Variants in MLH3 observed in about 807,000 individuals in gnomAD.
The protein encoded by MLH3 is DNA mismatch repair protein Mlh3.
In MLH3, 82 loss-of-function variants were observed where a neutral mutation model predicts 122.2. The ratio of observed to expected loss-of-function variants is 0.67; its 90% CI spans 0.56 to 0.81. The LOEUF (loss-of-function observed/expected upper bound fraction) is 0.81. Ranked by LOEUF, MLH3 falls within the 30% of genes least tolerant of loss-of-function variation. The pLI is 0.00. For missense variants in MLH3, 1,539 were observed against 1,714.5 expected (o/e 0.90, Z 1.81); for synonymous variants, 524 against 599.5 (o/e 0.87, Z 1.84).
chr14:75,018,109 C>T (rs1890016632), intron 12 of MLH3, among the ~76,000 whole-genome samples: 1 of 151,902 alleles, frequency 6.6e-6, no homozygotes, highest in Non-Finnish European at 1.5e-5. Flanking sequence ...CGCACCATTG[C>T]ACTCCAGCCT....
In MLH3 at chr14:75,049,188, A is replaced by G; in HGVS notation, c.468T>C (p.Pro156=). ...TAGGGTCCATGCATTTCCTCCTTAC[A>G]GGAAGCTGGTAAAATAGGTTATACA... ...VTVYNLFYQL[P]VRRKCMDPRL... is the part of the protein sequence containing the mutation. Residue 156 remains proline, a synonymous_variant, in exon 2 of 13, where the codon CCT becomes CCC. Transcript: ENST00000355774. The G allele has an allele frequency of 4.3e-6, 7 of 1,614,190 alleles. No homozygotes were observed. Among genetic ancestry groups the G allele is most frequent in the Non-Finnish European group, 5.1e-6 (6 of 1,180,016 alleles).
At chr14:75,035,227 T>TA (rs879886477) in intron 6 of MLH3, among the ~76,000 whole-genome samples, 6 of 148,040 alleles carry the variant, frequency 4.1e-5, no homozygotes, top group East Asian at 2.0e-4. Flanking sequence ...AATGAAAACT[T>TA]AAAAAAAAAA....
chr14:75,036,720 G>A (rs1343516293), intron 6 of MLH3: 5 of 455,918 alleles, frequency 1.1e-5, no homozygotes, highest in Non-Finnish European at 2.2e-5. Flanking sequence ...TGCAACACGG[G>A]TCCTGCAACA....
In MLH3 at chr14:75,014,630, A is replaced by C; in HGVS notation, c.*2452T>G. ...CTTGAAGGTAGAGACAGCCATAGGA[A>C]CCTTCACTTCTCAATGAAGTGTTGA... On this transcript the variant is annotated 3_prime_UTR_variant, in exon 13 of 13. Transcript: ENST00000355774. The C allele has an allele frequency of 4.9e-6, 1 of 204,980 alleles. No individual in the cohort carries two copies. The highest frequency in any genetic ancestry group is 7.4e-5 in the East Asian group (1 of 13,498). The allele number at this position is 204,980 out of a possible 1,614,324, so 12.7% of individuals were successfully genotyped here. A position where few individuals can be genotyped will look rare whatever the true frequency, so the allele number is the denominator to read the frequency against.
chr14:75,046,709 C>A lies in MLH3; in HGVS notation c.2947G>T (p.Asp983Tyr), dbSNP rs1477096181. The change falls in exon 2 of 13, where the codon GAT (aspartate) becomes TAT (tyrosine). Residue 983 changes from aspartate to tyrosine, a missense_variant. Physicochemically the swap from Asp to Tyr is radical, Grantham distance 160. Transcript: ENST00000355774. ...PYNNSKVTGK[D>Y]SDVLIRASEQ... Reference sequence around the variant, plus strand: ...GAGGCTCTGATAAGAACATCTGAATCTTTACCGGTAACTTTAGAATTATTA... The same window carrying A: ...GAGGCTCTGATAAGAACATCTGAATATTTACCGGTAACTTTAGAATTATTA... 1.9e-6 allele frequency: 3 copies of A among 1,614,172 alleles called. No individual in the cohort carries two copies. The highest frequency in any genetic ancestry group is 3.3e-5 in the Admixed American group (2 of 60,024).
chr14:75,040,771 T>C (rs575614937), intron 4 of MLH3, among the ~76,000 whole-genome samples: 3 of 152,310 alleles, frequency 2.0e-5, no homozygotes, highest in African/African-American at 4.8e-5. Flanking sequence ...CTTTATCTAA[T>C]GATAACAATT....
At chr14:75,037,309 T>C (rs1485469659) in intron 6 of MLH3, among the ~76,000 whole-genome samples, 1 of 152,228 alleles carries the variant, frequency 6.6e-6, no homozygotes, top group Non-Finnish European at 1.5e-5. Flanking sequence ...TGAAATCAAA[T>C]CTCCCAATAC....
intron 4 of MLH3, among the ~76,000 whole-genome samples, 156 bp from the exon 5 acceptor site, chr14:75,040,171 C>T (rs965703223): frequency 4.6e-5 from 7 of 151,604 alleles, no homozygotes; most frequent in African/African-American, 1.5e-4. Context: ...AAGAATCGGC[C>T]GGGCGTGGTG....
At position 75,024,453 on chromosome 14, in the gene MLH3, G is replaced by A. The variant is rs965012488; in HGVS notation, c.3988-1435C>T. 1.3e-5 allele frequency among the ~76,000 whole-genome samples: 2 copies of A among 151,886 alleles called. 1 individual carries two copies. The highest frequency in any genetic ancestry group is 4.8e-5 in the African/African-American group (2 of 41,338). On this transcript the variant is annotated intron_variant, in intron 9 of 12. Coordinates refer to ENST00000355774, the MANE Select transcript of MLH3 (RefSeq NM_001040108.2). ...CGACCTCAGATGATCCGCCTGCCTCGGCCTCCCAAAGTGCTGGGATTACAG... is the reference window on the plus strand; with the variant it reads ...CGACCTCAGATGATCCGCCTGCCTCAGCCTCCCAAAGTGCTGGGATTACAG...
rs759892263 is a variant in MLH3 at position 75,049,033 on chromosome 14, C to T, written c.623G>A (p.Cys208Tyr). Residue 208 changes from cysteine to tyrosine, a missense_variant, in exon 2 of 13, where the codon TGT becomes TAT. By Grantham distance (194) the Cys-to-Tyr change is radical (BLOSUM62 -2). Coordinates refer to ENST00000355774, the MANE Select transcript of MLH3 (RefSeq NM_001040108.2). ...TCCATAAATTTGACAAAATCGGGAA[C>T]ATACGTCTTTGGTTTTAGGGAGCTG... ...VLQLPKTKDV[C>Y]SRFCQIYGLG... 2.3e-5 allele frequency: 37 copies of T among 1,614,004 alleles called. No homozygotes were observed. Among genetic ancestry groups the T allele is most frequent in the Non-Finnish European group, 3.1e-5 (37 of 1,180,046 alleles).
rs766865174 is a variant in MLH3, at chr14:75,030,626, C to T, written c.3904G>A (p.Gly1302Arg). 3 of 1,613,672 alleles carry T rather than the reference C, an allele frequency of 1.9e-6. No individual in the cohort carries two copies. Among genetic ancestry groups the T allele is most frequent in the Non-Finnish European group, 2.5e-6 (3 of 1,179,650 alleles). ...PDTSDSLVLV[G>R]KVPLCFVERE... ...TCCACAAAACATAGTGGTACTTTTCCCACAAGGACCAGAGAATCACTAGTG... is the reference window on the plus strand; with the variant it reads ...TCCACAAAACATAGTGGTACTTTTCTCACAAGGACCAGAGAATCACTAGTG... The change falls in exon 9 of 13, where the codon GGA (glycine) becomes AGA (arginine). Residue 1302 changes from glycine (G) to arginine (R), a missense_variant. Gly to Arg is a moderately radical substitution (Grantham distance 125, BLOSUM62 -2). Coordinates refer to ENST00000355774, the MANE Select transcript of MLH3 (RefSeq NM_001040108.2).
intron 4 of MLH3, among the ~76,000 whole-genome samples, chr14:75,040,550 A>G (rs1400222149): frequency 6.6e-6 from 1 of 152,068 alleles, no homozygotes; most frequent in African/African-American, 2.4e-5. Context: ...AATTACTGAC[A>G]AAACAAAAAA....
At chr14:75,042,345 T>C (rs1403875181) in intron 3 of MLH3, 34 bp downstream of exon 3, 7 of 1,560,552 alleles carry the variant, frequency 4.5e-6, no homozygotes, top group Non-Finnish European at 6.2e-6. Context: ...GTACGATGTG[T>C]ACTGTGTGCC....
At position 75,046,750 on chromosome 14, in the gene MLH3, G is replaced by T. The variant is rs776422424; in HGVS notation, c.2906C>A (p.Pro969His). 3 of 1,614,030 alleles carry T rather than the reference G, an allele frequency of 1.9e-6. No homozygotes were observed. The highest frequency in any genetic ancestry group is 2.5e-6 in the Non-Finnish European group (3 of 1,180,030). Residue 969 changes from proline to histidine, a missense_variant, in exon 2 of 13, where the codon CCT (proline) becomes CAT (histidine). Coordinates refer to ENST00000355774, the MANE Select transcript of MLH3 (RefSeq NM_001040108.2). ...TTENCVISET[P>H]LVLPYNNSKV... ...AGAATTATTATAGGGCAATACCAAA[G>T]GAGTTTCTGATATCACACAGTTCTC...
chr14:75,047,827 G>C lies in MLH3; in HGVS notation c.1829C>G (p.Thr610Ser). Reference protein sequence around the residue: ...RVKLCSTGFITHVVQNEKTKS... With the variant: ...RVKLCSTGFISHVVQNEKTKS... The stretch of plus-strand genomic sequence containing the variant: ...AGTTTTTTCATTTTGTACTACATGA[G>C]TTATAAAGCCAGTGGAACATAATTT... The change falls in exon 2 of 13, where the codon ACT (threonine) becomes AGT (serine). Residue 610 changes from threonine (T) to serine (S), a missense_variant. Physicochemically the swap from Thr to Ser is moderately conservative, Grantham distance 58. Transcript: ENST00000355774. The C allele has an allele frequency of 6.2e-7, 1 of 1,613,672 alleles. No individual in the cohort carries two copies. Among genetic ancestry groups the C allele is most frequent in the Non-Finnish European group, 8.5e-7 (1 of 1,179,900 alleles).
chr14:75,045,117 G>A (rs1466476967), intron 2 of MLH3, among the ~76,000 whole-genome samples: 1 of 152,190 alleles, frequency 6.6e-6, no homozygotes, highest in East Asian at 1.9e-4. Context: ...ATCACCTGAG[G>A]TCAGGAGATC....
chr14:75,039,123 C>T (rs184595493), intron 5 of MLH3, among the ~76,000 whole-genome samples: 281 of 152,276 alleles, frequency 1.8e-3, no homozygotes, highest in Non-Finnish European at 3.2e-3. Flanking sequence ...TCCCAAAGTG[C>T]TGGGATTACA....
intron 11 of MLH3, among the ~76,000 whole-genome samples, chr14:75,020,088 G>C (rs954995662): frequency 7.2e-5 from 11 of 152,196 alleles, no homozygotes; most frequent in African/African-American, 2.7e-4. Flanking sequence ...AAGAAGGAGA[G>C]AAAAGTGTTT....
Position 75,016,675 on chromosome 14 carries a change from CCT to C in MLH3, c.*405_*406del, listed in dbSNP as rs1889905615. 3.2e-6 allele frequency: 1 copy of C among 310,654 alleles called. No homozygotes were observed. The highest frequency in any genetic ancestry group is 4.8e-5 in the Admixed American group (1 of 20,956). The allele number at this position is 310,654 out of a possible 1,614,324, so 19.2% of individuals were successfully genotyped here. On this transcript the variant is annotated 3_prime_UTR_variant, in exon 13 of 13. Transcript: ENST00000355774. ...GGGCAGCCTGGGAAGGCAGACTACC[CCT>C]TGGACTTGAGCATCAGCTGAATTAG...
Sources: gnomAD v4.1 joint callset for allele counts (sites outside exome capture counted in the v4.1 genomes callset) on GRCh38, gnomAD v4.1.1 for gene constraint, MANE v1.5 for transcripts, NCBI Gene and HGNC (gene_info 2026-07-23, HGNC 2026-07-21) for gene names.